Variants in WWP2 observed in about 807,000 individuals in gnomAD.
WWP2 encodes WW domain containing E3 ubiquitin protein ligase 2, also known as NEDD4-like E3 ubiquitin-protein ligase WWP2.
WWP2 carries 57 observed loss-of-function variants against 121.0 expected under a neutral mutation model. That is an observed-to-expected ratio of 0.47 (90% CI 0.38 to 0.59). The LOEUF (loss-of-function observed/expected upper bound fraction) is 0.59, where lower values mean the gene tolerates loss of function less well. WWP2 is among the 20% of genes least tolerant of loss of function. The pLI, the probability that WWP2 is intolerant of heterozygous loss-of-function variation, is 0.00. For missense variants in WWP2, 962 were observed against 1,158.9 expected (o/e 0.83, Z 2.47); for synonymous variants, 449 against 441.3 (o/e 1.02, Z -0.22).
At chr16:69,866,948 C>T (rs911559296) in intron 6 of WWP2, among the ~76,000 whole-genome samples, 3 of 152,034 alleles carry the variant, frequency 2.0e-5, no homozygotes, top group African/African-American at 7.2e-5. Context: ...AGTGATTCTT[C>T]TGCCTCAGGC....
rs773235587 is a variant in WWP2, at chr16:69,798,746, G to A, written c.135G>A (p.Ala45=). Residue 45 remains alanine, a synonymous_variant, in exon 3 of 24, where the codon GCG becomes GCA. Coordinates refer to ENST00000359154, the MANE Select transcript of WWP2 (RefSeq NM_001270454.2). ...QPRINSYVEV[A]VDGLPSETKK... is the part of the protein sequence containing the mutation. ...GAATTAACTCCTACGTGGAGGTGGC[G>A]GTGGATGGACTCCCCAGTGAGACCA... 2.1e-5 allele frequency: 34 copies of A among 1,613,952 alleles called. No individual in the cohort carries two copies. Among genetic ancestry groups the A allele is most frequent in the Middle Eastern group, 1.6e-4 (1 of 6,074 alleles).
chr16:69,765,444 T>G (rs541497529), intron 1 of WWP2, among the ~76,000 whole-genome samples: 6 of 152,296 alleles, frequency 3.9e-5, no homozygotes, highest in Admixed American at 1.3e-4. Flanking sequence ...GATCTTCAAT[T>G]TTATTAGAGA....
intron 10 of WWP2, among the ~76,000 whole-genome samples, chr16:69,919,512 A>G (rs1291582843): frequency 1.3e-5 from 2 of 152,098 alleles, no homozygotes; most frequent in African/African-American, 4.8e-5. Context: ...TCTGGTTTCA[A>G]ACTAACTGCC....
At chr16:69,909,568 G>A in intron 9 of WWP2, 1 of 985,402 alleles carries the variant, frequency 1.0e-6, no homozygotes, top group Non-Finnish European at 1.2e-6. Context: ...TTTTCCAGTA[G>A]AATGCTTGAG....
At chr16:69,833,800 A>G (rs764076465) in intron 4 of WWP2, among the ~76,000 whole-genome samples, 29 of 152,132 alleles carry the variant, frequency 1.9e-4, no homozygotes, top group Non-Finnish European at 3.2e-4. Context: ...GCCATGCTCT[A>G]AATTGGCACT....
chr16:69,826,005 G>C (rs1425030434), intron 4 of WWP2, among the ~76,000 whole-genome samples: 2 of 152,120 alleles, frequency 1.3e-5, no homozygotes, highest in Non-Finnish European at 2.9e-5. Context: ...GGTGGCTCAT[G>C]CCTGTAATCC....
chr16:69,875,549 C>T (rs1054222776), intron 7 of WWP2, among the ~76,000 whole-genome samples: 2 of 152,352 alleles, frequency 1.3e-5, no homozygotes, highest in Non-Finnish European at 1.5e-5. Flanking sequence ...TCAATTCTCT[C>T]AAACTTTGCT....
At chr16:69,765,203 AAAAAAGAAAAAG>A (rs371366510) in intron 1 of WWP2, among the ~76,000 whole-genome samples, 2 of 152,144 alleles carry the variant, frequency 1.3e-5, no homozygotes, top group Admixed American at 1.3e-4. Flanking sequence ...CCTGTCTCAA[AAAAAAGAAAAAG>A]AAAAAGAAAA....
In WWP2 at chr16:69,929,650, A is replaced by C. The variant is rs768669307; in HGVS notation, c.1316+121A>C. The C allele has an allele frequency of 6.0e-4, 493 of 816,434 alleles. 2 individuals carry two copies. Among genetic ancestry groups the C allele is most frequent in the South Asian group, 5.2e-3 (315 of 60,080 alleles). The allele number at this position is 816,434 out of a possible 1,614,324, so 50.6% of individuals were successfully genotyped here. A position where few individuals can be genotyped will look rare whatever the true frequency, so the allele number is the denominator to read the frequency against. ...GCTGATGTCAGGGACCTTTAGCCAC[A>C]CACAAGTGTCTTGAGACTCTCACCG... On this transcript the variant is annotated intron_variant, in intron 12 of 23. Coordinates refer to ENST00000359154, the MANE Select transcript of WWP2 (RefSeq NM_001270454.2).
Position 69,842,078 on chromosome 16 carries a change from G to T in WWP2, c.533G>T (p.Arg178Leu), listed in dbSNP as rs138285985. Reference protein sequence around the residue: ...SSGTAVAPENRHQPPSTNCFG... With the variant: ...SSGTAVAPENLHQPPSTNCFG... ...GGAACAGCAGTAGCTCCAGAGAACC[G>T]GCACCAGCCCCCCAGCACAAACTGC... is the stretch of plus-strand genomic sequence containing the variant. Residue 178 changes from arginine (R) to leucine (L), a missense_variant, in exon 6 of 24, where the codon CGG becomes CTG. Physicochemically the swap from Arg to Leu is moderately radical, Grantham distance 102. This residue lies in a region of WWP2 where 211 missense variants were observed against 196.5 expected (regional missense o/e 1.07). Coordinates refer to ENST00000359154, the MANE Select transcript of WWP2 (RefSeq NM_001270454.2). 1.2e-6 allele frequency: 2 copies of T among 1,613,326 alleles called. No individual in the cohort carries two copies. The highest frequency in any genetic ancestry group is 3.3e-5 in the Admixed American group (2 of 59,960).
At chr16:69,887,186 A>T (rs2057940537) in intron 7 of WWP2, among the ~76,000 whole-genome samples, 1 of 152,154 alleles carries the variant, frequency 6.6e-6, no homozygotes, top group African/African-American at 2.4e-5. Context: ...ATTGTCTATT[A>T]TCTCAGAGAG....
At chr16:69,907,554 A>G (rs898054778) in intron 8 of WWP2, among the ~76,000 whole-genome samples, 3 of 152,250 alleles carry the variant, frequency 2.0e-5, no homozygotes, top group Non-Finnish European at 2.9e-5. Flanking sequence ...AGTGGTAAGC[A>G]TTATATAAAT....
chr16:69,888,283 C>T, intron 8 of WWP2, 34 bp downstream of exon 8: 2 of 1,598,510 alleles, frequency 1.3e-6, no homozygotes, highest in Non-Finnish European at 1.7e-6. Context: ...CAGATCTCTC[C>T]TCCTCAAAGA....
At chr16:69,902,663 G>T (rs2058223336) in intron 8 of WWP2, among the ~76,000 whole-genome samples, 1 of 152,206 alleles carries the variant, frequency 6.6e-6, no homozygotes, top group Non-Finnish European at 1.5e-5. Flanking sequence ...TAATCTCAGT[G>T]TGAAGGAGTT....
In WWP2 at chr16:69,936,001, C is replaced by A; in HGVS notation, c.1976+15C>A. The A allele has an allele frequency of 6.2e-7, 1 of 1,612,790 alleles. No homozygotes were observed. The highest frequency in any genetic ancestry group is 8.5e-7 in the Non-Finnish European group (1 of 1,179,458). On this transcript the variant is annotated intron_variant, in intron 18 of 23. Coordinates refer to ENST00000359154, the MANE Select transcript of WWP2 (RefSeq NM_001270454.2). ...GTCTGGATCAAGTGAGTTCCCTGCCCCCTTGCCCCACCGCGCTGATAGGAG... is the reference window on the plus strand; with the variant it reads ...GTCTGGATCAAGTGAGTTCCCTGCCACCTTGCCCCACCGCGCTGATAGGAG...
At chr16:69,817,977 A>T (rs1179575024) in intron 4 of WWP2, among the ~76,000 whole-genome samples, 1 of 151,834 alleles carries the variant, frequency 6.6e-6, no homozygotes, top group Non-Finnish European at 1.5e-5. Flanking sequence ...CTGGGTCAGA[A>T]GGTGGGCGTG....
At position 69,931,529 on chromosome 16, in the gene WWP2, C is replaced by T. The variant is rs1301691415; in HGVS notation, c.1542C>T (p.His514=). 2.5e-6 allele frequency: 4 copies of T among 1,613,528 alleles called. No homozygotes were observed. The highest frequency in any genetic ancestry group is 1.6e-4 in the Middle Eastern group (1 of 6,084). ...FLCHSNALPS[H]VKISVSRQTL... is the part of the protein sequence containing the mutation. ...TTCAGTCAAATGCCCTACCTAGCCA[C>T]GTGAAGATCAGCGTTTCCAGGCAGA... The change falls in exon 15 of 24, where the codon CAC becomes CAT. Residue 514 remains histidine (H), a synonymous_variant. Coordinates refer to ENST00000359154, the MANE Select transcript of WWP2 (RefSeq NM_001270454.2).
intron 6 of WWP2, among the ~76,000 whole-genome samples, chr16:69,847,979 G>A (rs1290287410): frequency 3.9e-5 from 6 of 152,110 alleles, no homozygotes; most frequent in Middle Eastern, 3.2e-3. Context: ...AGCACCTCAC[G>A]ACTTCCTCTG....
At chr16:69,874,690 A>G (rs1281124989) in intron 7 of WWP2, among the ~76,000 whole-genome samples, 1 of 152,132 alleles carries the variant, frequency 6.6e-6, no homozygotes, top group African/African-American at 2.4e-5. Context: ...TTTACTTGCT[A>G]ATTCTTTATT....
Sources: gnomAD v4.1 joint callset for allele counts (sites outside exome capture counted in the v4.1 genomes callset) on GRCh38, gnomAD v4.1.1 for gene constraint, gnomAD v4.1.1 regional missense constraint, MANE v1.5 for transcripts, NCBI Gene and HGNC (gene_info 2026-07-23, HGNC 2026-07-21) for gene names.